Variants in GNA14 observed in about 807,000 individuals in gnomAD.
GNA14 encodes the protein G protein subunit alpha 14.
Under a neutral mutation model 42.0 loss-of-function variants are expected in GNA14, and 50 were observed. That is an observed-to-expected ratio of 1.19 (90% CI 0.95 to 1.51). GNA14 has a LOEUF of 1.51. Among genes scored for constraint, GNA14 ranks in the 40% most tolerant of loss-of-function variants. GNA14 has a pLI of 0.00. For synonymous variants in GNA14, 173 were observed against 163.1 expected, an observed-to-expected ratio of 1.06 and a Z score of -0.46; for missense variants, 473 against 446.2, an observed-to-expected ratio of 1.06 and a Z score of -0.54.
chr9:77,490,022 CCT>C (rs1040965368), intron 2 of GNA14, among the ~76,000 whole-genome samples: 1 of 152,064 alleles, frequency 6.6e-6, no homozygotes, highest in African/African-American at 2.4e-5. Flanking sequence ...GTTTACAATC[CCT>C]GAGCTAGATA....
At chr9:77,631,467 TA>T (rs59294268) in intron 1 of GNA14, among the ~76,000 whole-genome samples, 76,000 of 122,924 alleles carry the variant, frequency 0.62, 23,127 homozygotes, top group East Asian at 0.71. Flanking sequence ...ACTTTTTATG[TA>T]AAAAAAAAAA....
At position 77,638,791 on chromosome 9, in the gene GNA14, G is replaced by A. The variant is rs564553494; in HGVS notation, c.124+8879C>T. On this transcript the variant is annotated intron_variant, in intron 1 of 6. Transcript: ENST00000341700. Reference sequence around the variant, plus strand: ...GAAATCAAGAGGACACTGCAATAACGCAGGTGAATTGCAGCTTTGGATAGG... The same window carrying A: ...GAAATCAAGAGGACACTGCAATAACACAGGTGAATTGCAGCTTTGGATAGG... Among the ~76,000 whole-genome samples, 8 of 152,300 alleles carry A rather than the reference G, an allele frequency of 5.3e-5. No homozygotes were observed. The South Asian group carries it at 1.5e-3, about 28-fold the overall frequency.
At chr9:77,503,849 G>A (rs1026993186) in intron 2 of GNA14, among the ~76,000 whole-genome samples, 2 of 151,792 alleles carry the variant, frequency 1.3e-5, no homozygotes, top group Non-Finnish European at 2.9e-5. Flanking sequence ...GGGTTTCACC[G>A]TAATATATTT....
chr9:77,436,617 C>T (rs1454962698), intron 2 of GNA14, among the ~76,000 whole-genome samples: 1 of 152,128 alleles, frequency 6.6e-6, no homozygotes, highest in African/African-American at 2.4e-5. Flanking sequence ...CATGTCCTCC[C>T]CTCCTCTCGC....
At chr9:77,635,560 G>A (rs1007823346) in intron 1 of GNA14, among the ~76,000 whole-genome samples, 1 of 152,038 alleles carries the variant, frequency 6.6e-6, no homozygotes, top group Non-Finnish European at 1.5e-5. Context: ...GTACTATCTG[G>A]TAAGGAAAAA....
chr9:77,489,504 T>C (rs1836721288), intron 2 of GNA14, among the ~76,000 whole-genome samples: 1 of 152,188 alleles, frequency 6.6e-6, no homozygotes, highest in South Asian at 2.1e-4. Context: ...AGGACAAGTG[T>C]GTCCGGAATT....
chr9:77,542,986 T>A (rs115925996), intron 1 of GNA14, among the ~76,000 whole-genome samples: 7,553 of 152,234 alleles, frequency 0.05, 578 homozygotes, highest in African/African-American at 0.17. Context: ...GCAGTGCACT[T>A]CAGGCCTGCC....
At chr9:77,531,241 C>A (rs1351011897) in intron 1 of GNA14, among the ~76,000 whole-genome samples, 1 of 152,174 alleles carries the variant, frequency 6.6e-6, no homozygotes, top group Non-Finnish European at 1.5e-5. Context: ...TTGAATGGAA[C>A]AAACATGAGA....
intron 2 of GNA14, among the ~76,000 whole-genome samples, chr9:77,502,866 TA>T (rs1161548228): frequency 6.6e-6 from 1 of 152,170 alleles, no homozygotes; most frequent in East Asian, 1.9e-4. Context: ...GGCTATTGCT[TA>T]AACTTTGTCT....
intron 1 of GNA14, among the ~76,000 whole-genome samples, chr9:77,614,114 T>C (rs931363952): frequency 7.2e-5 from 11 of 152,210 alleles, no homozygotes; most frequent in Admixed American, 7.2e-4. Context: ...TGGAGTTCAA[T>C]GTACATGTTC....
At chr9:77,454,318 A>AC (rs1835962918) in intron 2 of GNA14, among the ~76,000 whole-genome samples, 1 of 151,684 alleles carries the variant, frequency 6.6e-6, no homozygotes, top group African/African-American at 2.4e-5. Context: ...ACTTCTGTGA[A>AC]CCCCCTTTGT....
At chr9:77,489,930 T>C (rs989834511) in intron 2 of GNA14, among the ~76,000 whole-genome samples, 65 of 151,096 alleles carry the variant, frequency 4.3e-4, no homozygotes, top group Middle Eastern at 3.5e-3. Flanking sequence ...TGGCAGCCTG[T>C]TTTTATTCTT....
At chr9:77,603,640 C>A (rs952044951) in intron 1 of GNA14, among the ~76,000 whole-genome samples, 3 of 151,844 alleles carry the variant, frequency 2.0e-5, no homozygotes, top group Non-Finnish European at 4.4e-5. Flanking sequence ...AAGAGGAATC[C>A]AAGGGCAGCC....
rs1837496825 is a variant in GNA14 at position 77,529,565 on chromosome 9, AG to A, written c.125-313del. Among the ~76,000 whole-genome samples, 5 of 152,334 alleles carry A rather than the reference AG, an allele frequency of 3.3e-5. No homozygotes were observed. The South Asian group carries it at 8.3e-4, about 25-fold the overall frequency. ...TTGTCACTGCGAAGATGGCAGTGGC[AG>A]TGATAGGGCTGCGTCAGGGTGCAGG... On this transcript the variant is annotated intron_variant, in intron 1 of 6. Transcript: ENST00000341700.
At chr9:77,553,814 G>A (rs1837813646) in intron 1 of GNA14, among the ~76,000 whole-genome samples, 1 of 152,022 alleles carries the variant, frequency 6.6e-6, no homozygotes, top group Non-Finnish European at 1.5e-5. Flanking sequence ...TGGACAAGTG[G>A]CCAAATACCT....
intron 1 of GNA14, among the ~76,000 whole-genome samples, chr9:77,592,465 CT>C (rs1316265122): frequency 6.6e-6 from 1 of 152,168 alleles, no homozygotes; most frequent in Non-Finnish European, 1.5e-5. Context: ...TATAAAAGAT[CT>C]GTGTAAGATC....
At chr9:77,623,216 CAAAAAAAAAAAAAAAAAAAAAAAAA>C (rs34368561) in intron 1 of GNA14, among the ~76,000 whole-genome samples, 8 of 26,854 alleles carry the variant, frequency 3.0e-4, no homozygotes, top group African/African-American at 3.7e-4. Context: ...GACGCTGTCT[CAAAAAAAAAAAAAAAAAAAAAAAAA>C]AAAAAAAAAA....
At chr9:77,536,881 T>A (rs776852618) in intron 1 of GNA14, among the ~76,000 whole-genome samples, 8 of 152,226 alleles carry the variant, frequency 5.3e-5, no homozygotes, top group Non-Finnish European at 7.3e-5. Flanking sequence ...TTTTTCTAAT[T>A]TGAGATATCA....
At chr9:77,623,242 A>C (rs1443920367) in intron 1 of GNA14, among the ~76,000 whole-genome samples, 1 of 131,134 alleles carries the variant, frequency 7.6e-6, no homozygotes, top group African/African-American at 3.8e-5. Context: ...AAAAAAAAAA[A>C]AAAAAAAAAA....
Sources: allele counts gnomAD v4.1 joint callset (sites outside exome capture counted in the v4.1 genomes callset), GRCh38; gene constraint gnomAD v4.1.1; transcripts MANE v1.5; gene names NCBI Gene and HGNC (gene_info 2026-07-23, HGNC 2026-07-21).